The following KCNMB2 variants were observed in gnomAD, a reference collection of about 807,000 sequenced individuals.
KCNMB2 encodes calcium-activated potassium channel subunit beta-2.
KCNMB2 carries 9 observed loss-of-function variants against 24.5 expected under a neutral mutation model. That is an observed-to-expected ratio of 0.37 (90% CI 0.22 to 0.64). The LOEUF (loss-of-function observed/expected upper bound fraction) is 0.64, where lower values mean the gene tolerates loss of function less well. Ranked by LOEUF, KCNMB2 falls within the 30% of genes least tolerant of loss-of-function variation. The pLI, the probability that KCNMB2 is intolerant of heterozygous loss-of-function variation, is 0.63. For missense variants in KCNMB2, 226 were observed against 284.3 expected, an observed-to-expected ratio of 0.79 and a Z score of 1.47; for synonymous variants, 109 against 104.4, an observed-to-expected ratio of 1.04 and a Z score of -0.27.
chr3:178,742,492 T>C lies in KCNMB2; in HGVS notation c.-67-64851T>C, dbSNP rs964561899. Among the ~76,000 whole-genome samples the C allele has an allele frequency of 9.9e-5, 15 of 152,232 alleles. 1 individual carries two copies. In the East Asian group the frequency reaches 1.2e-3, roughly 12 times the overall value. On this transcript the variant is annotated intron_variant, in intron 1 of 4. Coordinates refer to ENST00000452583, the MANE Select transcript of KCNMB2 (RefSeq NM_181361.3). ...TACAACTTATAGGAATAATAATTAT[T>C]TTTGGTCGAGGCAAAACTAAAGCCA... is the stretch of plus-strand genomic sequence containing the variant.
At chr3:178,797,171 C>T (rs1319621530) in intron 1 of KCNMB2, among the ~76,000 whole-genome samples, 8 of 152,076 alleles carry the variant, frequency 5.3e-5, no homozygotes, top group African/African-American at 1.9e-4. Flanking sequence ...ATACAATCCA[C>T]TAAAATTGAA....
intron 1 of KCNMB2, among the ~76,000 whole-genome samples, chr3:178,781,005 T>C (rs1417499882): frequency 6.6e-6 from 1 of 152,238 alleles, no homozygotes; most frequent in Non-Finnish European, 1.5e-5. Context: ...CAAAGTGCTA[T>C]AAGTATAAAA....
chr3:178,826,644 A>G (rs1714845392), intron 3 of KCNMB2, among the ~76,000 whole-genome samples: 1 of 152,240 alleles, frequency 6.6e-6, no homozygotes, highest in Admixed American at 6.5e-5. Flanking sequence ...TTCAGCTTAA[A>G]GAAACAAGAC....
At chr3:178,822,758 C>T (rs552112856) in intron 2 of KCNMB2, among the ~76,000 whole-genome samples, 1 of 152,298 alleles carries the variant, frequency 6.6e-6, no homozygotes, top group South Asian at 2.1e-4. Context: ...ATTTGTTAAC[C>T]ACTTTCAAAT....
intron 1 of KCNMB2, among the ~76,000 whole-genome samples, chr3:178,632,810 T>C (rs1354291060): frequency 2.6e-5 from 4 of 152,142 alleles, no homozygotes; most frequent in African/African-American, 9.7e-5. Context: ...CAAAGTCTCA[T>C]CTGAGACAAG....
chr3:178,627,672 G>C (rs1045048621), intron 1 of KCNMB2, among the ~76,000 whole-genome samples: 1 of 152,114 alleles, frequency 6.6e-6, no homozygotes, highest in Non-Finnish European at 1.5e-5. Context: ...CAGGAAAAAA[G>C]AACTGACCTG....
At chr3:178,628,910 A>G (rs1359891057) in intron 1 of KCNMB2, among the ~76,000 whole-genome samples, 6 of 152,186 alleles carry the variant, frequency 3.9e-5, no homozygotes, top group Non-Finnish European at 8.8e-5. Flanking sequence ...TCATGTCCCA[A>G]GAGCACGAAC....
chr3:178,646,377 T>C (rs1203119101), intron 1 of KCNMB2, among the ~76,000 whole-genome samples: 1 of 152,214 alleles, frequency 6.6e-6, no homozygotes, highest in East Asian at 1.9e-4. Context: ...TCCTCTACAT[T>C]ATAAGCTTGG....
chr3:178,566,433 T>G (rs1485361545), intron 1 of KCNMB2, among the ~76,000 whole-genome samples: 1 of 151,216 alleles, frequency 6.6e-6, no homozygotes, highest in Non-Finnish European at 1.5e-5. Flanking sequence ...CTTGCACATG[T>G]GCACACACAC....
intron 1 of KCNMB2, among the ~76,000 whole-genome samples, chr3:178,716,887 A>G (rs1722635636): frequency 6.6e-6 from 1 of 152,160 alleles, no homozygotes; most frequent in Non-Finnish European, 1.5e-5. Context: ...CATTCCAGGG[A>G]CACCCCTTCT....
chr3:178,807,255 C>T, intron 1 of KCNMB2, 88 bp from the exon 2 acceptor site: 1 of 550,786 alleles, frequency 1.8e-6, no homozygotes, highest in Non-Finnish European at 3.2e-6. Context: ...AACCACTGCC[C>T]CTATGGAATC....
In KCNMB2 at chr3:178,759,337, CCAAGAGGATATATATATATATATA is replaced by C. The variant is rs1239066530; in HGVS notation, c.-67-48005_-67-47982del. 4.7e-3 allele frequency among the ~76,000 whole-genome samples: 331 copies of C among 69,738 alleles called. 40 individuals carry two copies. The highest frequency in any genetic ancestry group is 0.013 in the African/African-American group (206 of 15,488). The allele number at this position is 69,738 out of a possible 152,430, so 45.8% of individuals were successfully genotyped here. ...AGAGGATATATATATATATATATCT[CCAAGAGGATATATATATATATATA>C]TCTCCAAGAGGATATATATATATAT... is the stretch of plus-strand genomic sequence containing the variant. On this transcript the variant is annotated intron_variant, in intron 1 of 4. Transcript: ENST00000452583.
rs572750861 is a variant in KCNMB2, at chr3:178,741,233, T to C, written c.-67-66110T>C. Among the ~76,000 whole-genome samples, 15 of 152,300 alleles carry C rather than the reference T, an allele frequency of 9.8e-5. No individual in the cohort carries two copies. In the South Asian group the frequency reaches 3.1e-3, roughly 32 times the overall value. ...TTGGAATGTGAATTTTAGTAGATAT[T>C]TAACCTTGCTCACTTCATTCTCCCA... On this transcript the variant is annotated intron_variant, in intron 1 of 4. Coordinates refer to ENST00000452583, the MANE Select transcript of KCNMB2 (RefSeq NM_181361.3).
intron 1 of KCNMB2, among the ~76,000 whole-genome samples, chr3:178,644,415 T>C (rs1719839884): frequency 1.3e-5 from 2 of 152,152 alleles, no homozygotes; most frequent in African/African-American, 4.8e-5. Flanking sequence ...CATGGCGCCA[T>C]GTGATAAGTA....
chr3:178,829,673 T>C (rs1040877094), intron 4 of KCNMB2, among the ~76,000 whole-genome samples: 3 of 152,228 alleles, frequency 2.0e-5, no homozygotes, highest in Admixed American at 6.5e-5. Flanking sequence ...GACAAATGCC[T>C]ATAAAACTCT....
intron 1 of KCNMB2, among the ~76,000 whole-genome samples, chr3:178,599,808 C>G (rs935633247): frequency 2.6e-5 from 4 of 152,170 alleles, no homozygotes; most frequent in African/African-American, 9.6e-5. Context: ...CTACTTTTCT[C>G]TTTCTATGAA....
chr3:178,718,198 A>G (rs547014308), intron 1 of KCNMB2, among the ~76,000 whole-genome samples: 70 of 152,348 alleles, frequency 4.6e-4, no homozygotes, highest in Non-Finnish European at 7.3e-4. Context: ...ATAACACTTA[A>G]CAAATTACAG....
At chr3:178,757,052 T>A (rs1291536902) in intron 1 of KCNMB2, 1 of 151,668 alleles carries the variant, frequency 6.6e-6, no homozygotes, top group Non-Finnish European at 1.5e-5. Flanking sequence ...TTTCAGAGCC[T>A]TTCCTCATTA....
At chr3:178,634,600 C>T (rs1027442573) in intron 1 of KCNMB2, among the ~76,000 whole-genome samples, 2 of 152,068 alleles carry the variant, frequency 1.3e-5, no homozygotes, top group Non-Finnish European at 1.5e-5. Flanking sequence ...TCCCATGATA[C>T]ATGGGATTAT....
Sources: gnomAD v4.1 joint callset for allele counts (sites outside exome capture counted in the v4.1 genomes callset) on GRCh38, gnomAD v4.1.1 for gene constraint, MANE v1.5 for transcripts, NCBI Gene and HGNC (gene_info 2026-07-23, HGNC 2026-07-21) for gene names.